Variants in MYOF observed in about 807,000 individuals in gnomAD.
MYOF encodes fer-1-like 3, myoferlin.
MYOF carries 244 observed loss-of-function variants against 284.2 expected under a neutral mutation model. The observed-to-expected ratio is 0.86, with a 90% CI of 0.77 to 0.95. The LOEUF (loss-of-function observed/expected upper bound fraction) is 0.95, where lower values mean the gene tolerates loss of function less well. Ranked by LOEUF, MYOF falls within the 40% of genes least tolerant of loss-of-function variation. The pLI, the probability that MYOF is intolerant of heterozygous loss-of-function variation, is 0.00. For synonymous variants in MYOF, 904 were observed against 919.7 expected (o/e 0.98, Z 0.31); for missense variants, 2,496 against 2,560.6 (o/e 0.97, Z 0.54).
chr10:93,325,892 C>T lies in MYOF; in HGVS notation c.5205G>A (p.Gln1735=). The change falls in exon 46 of 54, where the codon CAG becomes CAA. Residue 1735 remains glutamine (Q), a synonymous_variant. Transcript: ENST00000359263. The stretch of plus-strand genomic sequence containing the variant: ...TTTCCACGTGCTCAGGGACCAGCCC[C>T]TGAGTCCTGAGGATGTGAAGAGCAA... ...ERLALHILRT[Q]GLVPEHVETR... is the part of the protein sequence containing the mutation. The T allele has an allele frequency of 6.2e-7, 1 of 1,614,078 alleles. No individual in the cohort carries two copies. The highest frequency in any genetic ancestry group is 8.5e-7 in the Non-Finnish European group (1 of 1,180,032).
In MYOF at chr10:93,307,010, G is replaced by A. The variant is rs775253443; in HGVS notation, c.6148-9C>T. ...TTCATTGACAAATAGTTCTGGAAAG[G>A]AAACAAAAACAGTGGTAAAAAAACA... On this transcript the variant is annotated splice_polypyrimidine_tract_variant and intron_variant, in intron 53 of 53. Coordinates refer to ENST00000359263, the MANE Select transcript of MYOF (RefSeq NM_013451.4). 1.2e-6 allele frequency: 2 copies of A among 1,610,192 alleles called. No homozygotes were observed. Among genetic ancestry groups the A allele is most frequent in the Non-Finnish European group, 8.5e-7 (1 of 1,177,550 alleles).
In MYOF at chr10:93,367,354, A is replaced by G. The variant is rs1473395488; in HGVS notation, c.2590-799T>C. Among the ~76,000 whole-genome samples, 8 of 152,218 alleles carry G rather than the reference A, an allele frequency of 5.3e-5. No homozygotes were observed. In the East Asian group the frequency reaches 1.5e-3, roughly 29 times the overall value. ...AACTAGAATTTCCAATTGTCTGCTG[A>G]TGAATCCACTGAGAAGATGATTTGC... is the stretch of plus-strand genomic sequence containing the variant. On this transcript the variant is annotated intron_variant, in intron 25 of 53. Transcript: ENST00000359263.
intron 5 of MYOF, among the ~76,000 whole-genome samples, chr10:93,412,591 C>T (rs1347990951): frequency 6.6e-6 from 1 of 152,174 alleles, no homozygotes. Flanking sequence ...TAGTCCTCAC[C>T]ACATAGTCTT....
chr10:93,408,737 C>T, intron 7 of MYOF, 50 bp downstream of exon 7: 1 of 1,610,820 alleles, frequency 6.2e-7, no homozygotes. Flanking sequence ...CCCGTGTTTC[C>T]CTCCCCAGTG....
At chr10:93,450,471 G>A (rs2056559544) in intron 3 of MYOF, among the ~76,000 whole-genome samples, 1 of 152,152 alleles carries the variant, frequency 6.6e-6, no homozygotes, top group Non-Finnish European at 1.5e-5. Context: ...CTGTTCAGGA[G>A]GCTGAGGCAC....
At position 93,323,152 on chromosome 10, in the gene MYOF, G is replaced by A; in HGVS notation, c.5382C>T (p.Ile1794=). Residue 1794 remains isoleucine (I), a synonymous_variant, in exon 48 of 54, where the codon ATC becomes ATT. Transcript: ENST00000359263. ...KAKKYYLRVI[I]WNTKDVILDE... ...CCAAGATAACGTCCTTGGTGTTCCA[G>A]ATGATCACACGCAGGTAGTATCTGC... The A allele has an allele frequency of 6.2e-7, 1 of 1,614,126 alleles. No homozygotes were observed. The highest frequency in any genetic ancestry group is 8.5e-7 in the Non-Finnish European group (1 of 1,179,960).
chr10:93,432,930 T>A (rs1157553198), intron 3 of MYOF, among the ~76,000 whole-genome samples: 2 of 152,184 alleles, frequency 1.3e-5, no homozygotes, highest in Non-Finnish European at 1.5e-5. Flanking sequence ...TTTTTATAGT[T>A]GGGGAACATG....
At chr10:93,312,619 A>C (rs1842438223) in intron 51 of MYOF, among the ~76,000 whole-genome samples, 1 of 151,760 alleles carries the variant, frequency 6.6e-6, no homozygotes, top group Non-Finnish European at 1.5e-5. Context: ...CTTGGATTAC[A>C]GGCATGAGCC....
chr10:93,329,562 A>G, intron 44 of MYOF, 102 bp downstream of exon 44: 4 of 1,179,722 alleles, frequency 3.4e-6, no homozygotes, highest in Non-Finnish European at 4.9e-6. Context: ...TGATAGGAGC[A>G]GTGGCTCAGT....
chr10:93,414,901 G>A (rs1478646699), intron 5 of MYOF, among the ~76,000 whole-genome samples: 2 of 151,792 alleles, frequency 1.3e-5, no homozygotes, highest in Non-Finnish European at 2.9e-5. Flanking sequence ...CTGCCACCAC[G>A]CCCTGCTAAT....
At chr10:93,429,851 T>C (rs1165218259) in intron 4 of MYOF, among the ~76,000 whole-genome samples, 2 of 152,194 alleles carry the variant, frequency 1.3e-5, no homozygotes, top group Non-Finnish European at 2.9e-5. Context: ...CTTGCGACAC[T>C]TGAGTCATTT....
At chr10:93,354,231 A>G (rs1844676152) in intron 31 of MYOF, among the ~76,000 whole-genome samples, 1 of 152,278 alleles carries the variant, frequency 6.6e-6, no homozygotes, top group South Asian at 2.1e-4. Flanking sequence ...TTCAAAAATT[A>G]GCTGGGCATG....
intron 1 of MYOF, among the ~76,000 whole-genome samples, chr10:93,476,245 CTTTTTTT>C (rs67108011): frequency 1.5e-5 from 1 of 65,020 alleles, no homozygotes; most frequent in Admixed American, 2.2e-4. Flanking sequence ...CTTCCCCATT[CTTTTTTT>C]TTTTTTTTTT....
chr10:93,420,470 G>A (rs1848314453), intron 5 of MYOF, among the ~76,000 whole-genome samples: 1 of 152,132 alleles, frequency 6.6e-6, no homozygotes, highest in Non-Finnish European at 1.5e-5. Flanking sequence ...AGCCACCAGT[G>A]CCCTAAGGTC....
intron 10 of MYOF, 117 bp from the exon 11 acceptor site, chr10:93,402,464 A>C: frequency 2.6e-6 from 2 of 773,496 alleles, no homozygotes; most frequent in Admixed American, 2.1e-5. Flanking sequence ...CGACACACCA[A>C]ATTCCCCAGA....
chr10:93,426,001 A>G, intron 5 of MYOF, 70 bp downstream of exon 5: 1 of 1,463,880 alleles, frequency 6.8e-7, no homozygotes. Flanking sequence ...GGGTTTCTCC[A>G]GACACTCTCC....
intron 3 of MYOF, among the ~76,000 whole-genome samples, chr10:93,441,393 T>C (rs1013079709): frequency 4.6e-5 from 7 of 151,874 alleles, no homozygotes; most frequent in African/African-American, 1.2e-4. Flanking sequence ...TACATTTCTT[T>C]TTTTTTTTGG....
intron 1 of MYOF, among the ~76,000 whole-genome samples, chr10:93,459,987 A>T (rs528905619): frequency 4.7e-4 from 71 of 152,242 alleles, no homozygotes; most frequent in Non-Finnish European, 9.1e-4. Flanking sequence ...CCTTCAAGAG[A>T]GAAGATAGGA....
At chr10:93,446,981 T>C (rs1222022963) in intron 3 of MYOF, among the ~76,000 whole-genome samples, 1 of 152,102 alleles carries the variant, frequency 6.6e-6, no homozygotes, top group African/African-American at 2.4e-5. Context: ...CCTCCCAAAG[T>C]GCTGACATCA....
Sources: allele counts gnomAD v4.1 joint callset (sites outside exome capture counted in the v4.1 genomes callset), GRCh38; gene constraint gnomAD v4.1.1; transcripts MANE v1.5; gene names NCBI Gene and HGNC (gene_info 2026-07-23, HGNC 2026-07-21).